PYM1: variants seen among roughly 807,000 people sequenced by gnomAD.
The protein encoded by PYM1 is PYM1 exon junction complex associated factor.
Under a neutral mutation model 20.7 loss-of-function variants are expected in PYM1, and 7 were observed. That is an observed-to-expected ratio of 0.34 (90% CI 0.19 to 0.64). The LOEUF is 0.64. Ranked by LOEUF, PYM1 falls within the 30% of genes least tolerant of loss-of-function variation. PYM1 has a pLI of 0.74. For missense variants in PYM1, 194 were observed against 250.0 expected, an observed-to-expected ratio of 0.78 and a Z score of 1.51; for synonymous variants, 100 against 99.2, an observed-to-expected ratio of 1.01 and a Z score of -0.05.
At chr12:55,918,040 C>T (rs1268978118) in intron 1 of PYM1, among the ~76,000 whole-genome samples, 1 of 151,860 alleles carries the variant, frequency 6.6e-6, no homozygotes, top group African/African-American at 2.4e-5. Context: ...TCACTCATAC[C>T]CCAAACCTCA....
At chr12:55,914,739 G>A (rs989762767) in intron 1 of PYM1, among the ~76,000 whole-genome samples, 4 of 152,204 alleles carry the variant, frequency 2.6e-5, no homozygotes, top group African/African-American at 9.6e-5. Context: ...AGACCTGGAT[G>A]TGGTTTCCAA....
intron 1 of PYM1, 103 bp downstream of exon 1, chr12:55,927,622 G>A: frequency 2.1e-6 from 3 of 1,418,620 alleles, no homozygotes; most frequent in Non-Finnish European, 2.9e-6. Flanking sequence ...CTAAGAAGGT[G>A]GGGAGGTCGA....
chr12:55,921,582 T>G (rs1194452904), intron 1 of PYM1, among the ~76,000 whole-genome samples: 2 of 152,060 alleles, frequency 1.3e-5, no homozygotes, highest in African/African-American at 4.8e-5. Flanking sequence ...GATCTTAGTT[T>G]TTAACATTAC....
At chr12:55,912,562 C>T (rs1882942464) in intron 1 of PYM1, among the ~76,000 whole-genome samples, 1 of 151,300 alleles carries the variant, frequency 6.6e-6, no homozygotes, top group East Asian at 2.0e-4. Context: ...CCAGCCTGGG[C>T]AACAGGAGCA....
chr12:55,905,161 C>G (rs976483060), intron 1 of PYM1, among the ~76,000 whole-genome samples: 1 of 150,362 alleles, frequency 6.7e-6, no homozygotes, highest in Non-Finnish European at 1.5e-5. Context: ...GCCACCACAC[C>G]TGGCTAATTT....
Position 55,902,399 on chromosome 12 carries a change from CT to C in PYM1, c.132-45del, listed in dbSNP as rs764563752. On this transcript the variant is annotated intron_variant, in intron 2 of 2. Coordinates refer to ENST00000408946, the MANE Select transcript of PYM1 (RefSeq NM_032345.3). ...GTCAAGAGTTTCAGAGAATTACTGACTTTTTGATCCCTTTTCTTAAACTTCC... is the reference window on the plus strand; with the variant it reads ...GTCAAGAGTTTCAGAGAATTACTGACTTTTGATCCCTTTTCTTAAACTTCC... 5.8e-6 allele frequency: 9 copies of C among 1,555,840 alleles called. No homozygotes were observed. In the African/African-American group the frequency reaches 1.2e-4, roughly 21 times the overall value.
At chr12:55,907,216 C>A (rs1236214039) in intron 1 of PYM1, among the ~76,000 whole-genome samples, 2 of 151,726 alleles carry the variant, frequency 1.3e-5, no homozygotes, top group Non-Finnish European at 2.9e-5. Flanking sequence ...GTAATCCCAG[C>A]AATTTGGGAG....
At chr12:55,927,400 A>C in intron 1 of PYM1, 1 of 713,352 alleles carries the variant, frequency 1.4e-6, no homozygotes, top group African/African-American at 1.7e-5. Context: ...CATCCCCAGG[A>C]ACTCCTCGTA....
chr12:55,924,802 G>A (rs1011697910), intron 1 of PYM1, among the ~76,000 whole-genome samples: 5 of 152,182 alleles, frequency 3.3e-5, no homozygotes, highest in South Asian at 2.1e-4. Context: ...TCAACCTCCC[G>A]AGTAGCTGAG....
At chr12:55,919,401 G>A (rs1351988433) in intron 1 of PYM1, among the ~76,000 whole-genome samples, 1 of 151,906 alleles carries the variant, frequency 6.6e-6, no homozygotes, top group African/African-American at 2.4e-5. Context: ...CAATCCACCC[G>A]CCTCAGCCTC....
intron 1 of PYM1, among the ~76,000 whole-genome samples, chr12:55,924,874 G>A (rs974984854): frequency 1.6e-4 from 25 of 152,128 alleles, no homozygotes; most frequent in Admixed American, 2.6e-4. Flanking sequence ...TAGTAGAGAC[G>A]GGGTTTCACC....
At position 55,907,740 on chromosome 12, in the gene PYM1, A is replaced by G. The variant is rs1051790514; in HGVS notation, c.38-4260T>C. Among the ~76,000 whole-genome samples, 6 of 151,802 alleles carry G rather than the reference A, an allele frequency of 4.0e-5. No individual in the cohort carries two copies. The East Asian group carries it at 1.2e-3, about 29-fold the overall frequency. The stretch of plus-strand genomic sequence containing the variant: ...GATCACTTAAGGTCAGGAGTTCGAG[A>G]CCAGCCTGGCCAACATGGTGAAACC... On this transcript the variant is annotated intron_variant, in intron 1 of 2. Coordinates refer to ENST00000408946, the MANE Select transcript of PYM1 (RefSeq NM_032345.3).
chr12:55,906,582 C>T (rs1396863635), intron 1 of PYM1, among the ~76,000 whole-genome samples: 1 of 152,008 alleles, frequency 6.6e-6, no homozygotes, highest in Non-Finnish European at 1.5e-5. Flanking sequence ...TCAGGGACCC[C>T]CTTAAGGGTC....
chr12:55,907,709 T>C (rs772468), intron 1 of PYM1, among the ~76,000 whole-genome samples: 126,137 of 149,934 alleles, frequency 0.84, 53,365 homozygotes, highest in African/African-American at 0.93. Context: ...GAAGCTGAGG[T>C]GAGTGGATCA....
intron 1 of PYM1, among the ~76,000 whole-genome samples, chr12:55,924,707 C>T (rs183461184): frequency 0.016 from 2,492 of 152,226 alleles, 93 homozygotes; most frequent in African/African-American, 0.057. Context: ...GACAGAGTCT[C>T]GCTCTGTCGC....
At chr12:55,920,947 G>A (rs1339801254) in intron 1 of PYM1, among the ~76,000 whole-genome samples, 2 of 152,188 alleles carry the variant, frequency 1.3e-5, no homozygotes, top group Non-Finnish European at 2.9e-5. Context: ...AAAGATATAT[G>A]CCATATATAA....
At chr12:55,922,040 G>T (rs772704) in intron 1 of PYM1, among the ~76,000 whole-genome samples, 33 of 151,582 alleles carry the variant, frequency 2.2e-4, no homozygotes, top group East Asian at 1.2e-3. Context: ...TACCCAGCTC[G>T]TTTTTTTTTT....
chr12:55,907,463 C>CAAAAAAA (rs770960966), intron 1 of PYM1, among the ~76,000 whole-genome samples: 2 of 51,994 alleles, frequency 3.8e-5, no homozygotes, highest in African/African-American at 1.3e-4. Flanking sequence ...TACATAAATA[C>CAAAAAAA]AAAAAAAAAA....
rs60439555 is a variant in PYM1, at chr12:55,905,933, A to ATT, written c.38-2454_38-2453insAA. On this transcript the variant is annotated intron_variant, in intron 1 of 2. Coordinates refer to ENST00000408946, the MANE Select transcript of PYM1 (RefSeq NM_032345.3). ...GATATATATATTATTATATATATCT[A>ATT]ATAGATATATATATTATTATATATA... is the stretch of plus-strand genomic sequence containing the variant. Among the ~76,000 whole-genome samples, 219 of 117,424 alleles carry ATT rather than the reference A, an allele frequency of 1.9e-3. 13 individuals are homozygous for ATT. The highest frequency in any genetic ancestry group is 2.7e-3 in the Non-Finnish European group (159 of 59,608). 77.0% of individuals were successfully genotyped at this position (117,424 alleles called of 152,430 possible). A position where few individuals can be genotyped will look rare whatever the true frequency, so the allele number is the denominator to read the frequency against.
Sources: allele counts gnomAD v4.1 joint callset (sites outside exome capture counted in the v4.1 genomes callset), GRCh38; gene constraint gnomAD v4.1.1; transcripts MANE v1.5; gene names NCBI Gene and HGNC (gene_info 2026-07-23, HGNC 2026-07-21).